The following AHNAK variants were observed in gnomAD, a reference collection of about 807,000 sequenced individuals.
AHNAK encodes AHNAK nucleoprotein, also known as neuroblast differentiation-associated protein AHNAK.
Under a neutral mutation model 37.8 loss-of-function variants are expected in AHNAK, and 23 were observed. That is an observed-to-expected ratio of 0.61 (90% CI 0.44 to 0.86). AHNAK has a LOEUF of 0.86. Ranked by LOEUF, AHNAK falls within the 40% of genes least tolerant of loss-of-function variation. The pLI, the probability that AHNAK is intolerant of heterozygous loss-of-function variation, is 0.00. For missense variants in AHNAK, 7,411 were observed against 7,319.4 expected, an observed-to-expected ratio of 1.01 and a Z score of -0.46; for synonymous variants, 2,481 against 2,636.3, an observed-to-expected ratio of 0.94 and a Z score of 1.80.
downstream of AHNAK, among the ~76,000 whole-genome samples, chr11:62,514,464 C>A (rs112239856): frequency 1.6e-3 from 236 of 152,256 alleles, no homozygotes; most frequent in African/African-American, 5.4e-3. Context: ...CTGGAGTGTG[C>A]GTGTAGCCCA....
rs746678560 is a variant in AHNAK, at chr11:62,522,551, G to C, written c.11866C>G (p.Leu3956Val). 1 of 1,612,290 alleles carries C rather than the reference G, an allele frequency of 6.2e-7. No homozygotes were observed. The highest frequency in any genetic ancestry group is 8.5e-7 in the Non-Finnish European group (1 of 1,179,654). ...KGEGPEVDVN[L>V]PKADLDVSGP... ...GAGACGTCAAGGTCAGCCTTGGGCA[G>C]GTTCACATCCACTTCTGGACCTTCT... is the stretch of plus-strand genomic sequence containing the variant. The change falls in exon 5 of 5, where the codon CTG (leucine) becomes GTG (valine). Residue 3956 changes from leucine (L) to valine (V), a missense_variant. By Grantham distance (32) the Leu-to-Val change is conservative. Coordinates refer to ENST00000378024, the MANE Select transcript of AHNAK (RefSeq NM_001620.3).
At chr11:62,499,437 G>A (rs147272035) in intron 4 of AHNAK, among the ~76,000 whole-genome samples, 11 of 152,286 alleles carry the variant, frequency 7.2e-5, no homozygotes, top group South Asian at 4.1e-4. Context: ...TGTAATCTCA[G>A]CTATTCGGGA....
rs189386217 is a variant in AHNAK at position 62,495,916 on chromosome 11, G to C, written c.343-4085C>G. ...ATAGAAAAATTAGCCAGGCATGGTG[G>C]TATATGCCTGTAATCCCAGCTACTC... On this transcript the variant is annotated intron_variant, in intron 4 of 5. Coordinates refer to the AHNAK transcript ENST00000257247. 2.8e-4 allele frequency among the ~76,000 whole-genome samples: 42 copies of C among 151,744 alleles called. 1 individual carries two copies. In the East Asian group the frequency reaches 8.1e-3, roughly 29 times the overall value.
rs1289068178 is a variant in AHNAK, at chr11:62,535,222, C to T, written c.155-32G>A. ...AGGGAAGAGCAGGAAGCAGGTAAGG[C>T]CCAAAGAGCCTCAGGGAAACCGCAC... is the stretch of plus-strand genomic sequence containing the variant. On this transcript the variant is annotated intron_variant, in intron 3 of 4. Coordinates refer to ENST00000378024, the MANE Select transcript of AHNAK (RefSeq NM_001620.3). 3 of 1,587,816 alleles carry T rather than the reference C, an allele frequency of 1.9e-6. No homozygotes were observed. In the Admixed American group the frequency reaches 5.1e-5, roughly 27 times the overall value.
At position 62,489,599 on chromosome 11, in the gene AHNAK, A is replaced by C. The variant is rs184800311; in HGVS notation, c.442+2133T>G. ...ATTGGAAATGTTAAGAAGGTGGGTG[A>C]CTGGTGTGGTAGCCAGATGGTTAGC... On this transcript the variant is annotated intron_variant, in intron 5 of 5. Transcript: ENST00000257247. Among the ~76,000 whole-genome samples, 291 of 152,282 alleles carry C rather than the reference A, an allele frequency of 1.9e-3. 2 individuals carry two copies. The highest frequency in any genetic ancestry group is 1.3e-3 in the Non-Finnish European group (86 of 68,016).
At chr11:62,440,280 G>A (rs1283294438) in intron 5 of AHNAK, among the ~76,000 whole-genome samples, 1 of 152,096 alleles carries the variant, frequency 6.6e-6, no homozygotes, top group African/African-American at 2.4e-5. Context: ...CACTGAGAGG[G>A]GGAGGGAGAG....
chr11:62,541,260 G>C (rs1941114033), intron 1 of AHNAK, among the ~76,000 whole-genome samples: 1 of 152,206 alleles, frequency 6.6e-6, no homozygotes, highest in African/African-American at 2.4e-5. Flanking sequence ...GCACAGGCGG[G>C]ACACAGGAGG....
At position 62,516,021 on chromosome 11, in the gene AHNAK, A is replaced by T; in HGVS notation, c.*723T>A. ...TCATGATAACATTTGTTAAAAAGAA[A>T]TCAGAACTAATATCAGGAACATGGC... On this transcript the variant is annotated 3_prime_UTR_variant, in exon 5 of 5. Coordinates refer to ENST00000378024, the MANE Select transcript of AHNAK (RefSeq NM_001620.3). The T allele has an allele frequency of 8.5e-7, 1 of 1,173,304 alleles. No individual in the cohort carries two copies. The highest frequency in any genetic ancestry group is 1.1e-6 in the Non-Finnish European group (1 of 931,884). 72.7% of individuals were successfully genotyped at this position (1,173,304 alleles called of 1,614,324 possible). A position where few individuals can be genotyped will look rare whatever the true frequency, so the allele number is the denominator to read the frequency against.
chr11:62,462,315 T>C (rs1938810132), intron 5 of AHNAK, among the ~76,000 whole-genome samples: 1 of 151,962 alleles, frequency 6.6e-6, no homozygotes, highest in Non-Finnish European at 1.5e-5. Context: ...CTGACAGTTA[T>C]TCAAAGCTCA....
intron 5 of AHNAK, among the ~76,000 whole-genome samples, chr11:62,453,882 G>A (rs1234200324): frequency 3.9e-5 from 6 of 152,220 alleles, no homozygotes; most frequent in Admixed American, 6.5e-5. Context: ...AGCACTTTGG[G>A]AGGTCGAGGC....
rs1285032350 is a variant in AHNAK, at chr11:62,522,614, T to A, written c.11803A>T (p.Ile3935Leu). The change falls in exon 5 of 5, where the codon ATA becomes TTA. Residue 3935 changes from isoleucine (I) to leucine (L), a missense_variant. Physicochemically the swap from Ile to Leu is conservative, Grantham distance 5. Transcript: ENST00000378024. ...GGCATGCTGATCTTGGGCATTTTTA[T>A]CTTAGGCATCTTCAGGTGCCAGTCT... is the stretch of plus-strand genomic sequence containing the variant. ...GPDWHLKMPK[I>L]KMPKISMPGF... is the part of the protein sequence containing the mutation. 1.3e-6 allele frequency: 2 copies of A among 1,588,036 alleles called. No homozygotes were observed. Among genetic ancestry groups the A allele is most frequent in the Non-Finnish European group, 1.7e-6 (2 of 1,168,672 alleles).
At chr11:62,458,016 C>T (rs1200859396) in intron 5 of AHNAK, among the ~76,000 whole-genome samples, 2 of 151,040 alleles carry the variant, frequency 1.3e-5, no homozygotes, top group Non-Finnish European at 2.9e-5. Context: ...CGGTTTCCAG[C>T]GATTCTCCTG....
rs375553302 is a variant in AHNAK, at chr11:62,532,145, T to C, written c.2272A>G (p.Ser758Gly). The change falls in exon 5 of 5, where the codon AGT becomes GGT. Residue 758 changes from serine to glycine, a missense_variant. Physicochemically the swap from Ser to Gly is moderately conservative, Grantham distance 56. Transcript: ENST00000378024. The stretch of plus-strand genomic sequence containing the variant: ...CCCTCTGCTTTGAACCCTGGCACAC[T>C]GAATTTGGGCATTTTCATCTTGGGC... ...KMPKMKMPKF[S>G]VPGFKAEGPE... The C allele has an allele frequency of 8.1e-6, 13 of 1,613,910 alleles. No homozygotes were observed. Among genetic ancestry groups the C allele is most frequent in the East Asian group, 4.5e-5 (2 of 44,866 alleles).
chr11:62,532,781 G>C lies in AHNAK; in HGVS notation c.1636C>G (p.Pro546Ala). The change falls in exon 5 of 5, where the codon CCA (proline) becomes GCA (alanine). Residue 546 changes from proline to alanine, a missense_variant. Physicochemically the swap from Pro to Ala is conservative, Grantham distance 27 (BLOSUM62 -1). Coordinates refer to ENST00000378024, the MANE Select transcript of AHNAK (RefSeq NM_001620.3). The part of the protein sequence containing the change: ...LKGSRVDIET[P>A]NLEGTLTGPR... The stretch of plus-strand genomic sequence containing the variant: ...CCTGTCAAGGTTCCCTCTAGGTTTG[G>C]TGTCTCTATGTCCACTCTGGAGCCT... 6.2e-6 allele frequency: 10 copies of C among 1,614,084 alleles called. No homozygotes were observed. The highest frequency in any genetic ancestry group is 8.5e-6 in the Non-Finnish European group (10 of 1,180,012).
At chr11:62,471,937 G>C (rs567756739) in intron 5 of AHNAK, among the ~76,000 whole-genome samples, 2 of 152,230 alleles carry the variant, frequency 1.3e-5, no homozygotes, top group South Asian at 4.1e-4. Flanking sequence ...ATAGAGGAAG[G>C]CCCATCTGCC....
intron 4 of AHNAK, among the ~76,000 whole-genome samples, chr11:62,492,945 G>A (rs749321786): frequency 2.0e-5 from 3 of 151,100 alleles, no homozygotes; most frequent in Non-Finnish European, 4.4e-5. Flanking sequence ...GGATTGAATC[G>A]GGACCTTCAG....
intron 5 of AHNAK, among the ~76,000 whole-genome samples, chr11:62,449,110 G>T (rs1341280343): frequency 6.6e-6 from 1 of 152,074 alleles, no homozygotes; most frequent in Admixed American, 6.6e-5. Flanking sequence ...AATGGGTAAG[G>T]CTCACCACGC....
Position 62,533,593 on chromosome 11 carries a change from A to G in AHNAK, c.824T>C (p.Val275Ala). The G allele has an allele frequency of 1.2e-6, 2 of 1,614,048 alleles. No individual in the cohort carries two copies. Among genetic ancestry groups the G allele is most frequent in the Non-Finnish European group, 1.7e-6 (2 of 1,179,998 alleles). Residue 275 changes from valine (V) to alanine (A), a missense_variant, in exon 5 of 5, where the codon GTT becomes GCT. Coordinates refer to ENST00000378024, the MANE Select transcript of AHNAK (RefSeq NM_001620.3). ...LDLGGRGGVQ[V>A]PAVDISSSLG... ...AGAAGATGAAATGTCCACTGCTGGA[A>G]CTTGGACCCCTCCTCTGCCACCCAA...
intron 5 of AHNAK, among the ~76,000 whole-genome samples, chr11:62,490,741 T>C (rs1439211101): frequency 2.6e-5 from 4 of 152,108 alleles, no homozygotes; most frequent in Non-Finnish European, 4.4e-5. Flanking sequence ...TCAGTGAACA[T>C]GACAAAATGT....
Sources: allele counts gnomAD v4.1 joint callset (sites outside exome capture counted in the v4.1 genomes callset), GRCh38; gene constraint gnomAD v4.1.1; transcripts MANE v1.5; gene names NCBI Gene and HGNC (gene_info 2026-07-23, HGNC 2026-07-21).